Variants in BLOC1S2 observed in about 807,000 individuals in gnomAD.
BLOC1S2 encodes biogenesis of lysosome-related organelles complex 1 subunit 2.
A neutral mutation model predicts 19.6 loss-of-function variants in BLOC1S2; 12 were observed. The observed-to-expected ratio is 0.61, with a 90% CI of 0.39 to 0.99. BLOC1S2 has a LOEUF of 0.99. Ranked by LOEUF, BLOC1S2 falls within the 50% of genes least tolerant of loss-of-function variation. The probability of loss-of-function intolerance (pLI) is 0.00; values close to 1 mark genes in which losing one functional copy is unlikely to be tolerated. For missense variants in BLOC1S2, 142 were observed against 171.0 expected, an observed-to-expected ratio of 0.83 and a Z score of 0.95; for synonymous variants, 66 against 64.1, an observed-to-expected ratio of 1.03 and a Z score of -0.14.
chr10:100,278,288 A>G (rs1434162130), intron 4 of BLOC1S2, among the ~76,000 whole-genome samples: 5 of 147,368 alleles, frequency 3.4e-5, no homozygotes, highest in African/African-American at 7.6e-5. Context: ...CCTACTGGGA[A>G]GTGAGGAGCC....
At chr10:100,278,435 T>C (rs1235940419) in intron 4 of BLOC1S2, among the ~76,000 whole-genome samples, 2 of 152,206 alleles carry the variant, frequency 1.3e-5, no homozygotes, top group Non-Finnish European at 1.5e-5. Context: ...ATGGTTGCCG[T>C]GTCTGTGTAG....
At chr10:100,277,758 G>A (rs1847955513) in intron 4 of BLOC1S2, among the ~76,000 whole-genome samples, 2 of 130,330 alleles carry the variant, frequency 1.5e-5, no homozygotes, top group African/African-American at 2.9e-5. Flanking sequence ...GGTGAGGGGC[G>A]CCTCTGCCTG....
intron 1 of BLOC1S2, 114 bp downstream of exon 1, chr10:100,286,491 C>T: frequency 6.6e-7 from 1 of 1,517,070 alleles, no homozygotes; most frequent in African/African-American, 1.4e-5. Flanking sequence ...GACAAGTGCA[C>T]TCCTCTCACC....
chr10:100,280,347 C>A, intron 3 of BLOC1S2, 119 bp from the exon 4 acceptor site: 1 of 848,348 alleles, frequency 1.2e-6, no homozygotes, highest in Non-Finnish European at 1.7e-6. Flanking sequence ...GATTAGGTGG[C>A]GTGACATGAT....
intron 2 of BLOC1S2, among the ~76,000 whole-genome samples, chr10:100,281,508 C>T (rs1483528603): frequency 1.3e-5 from 2 of 151,848 alleles, no homozygotes; most frequent in Admixed American, 1.3e-4. Flanking sequence ...GATAGTGAAA[C>T]CCCATCTCTA....
rs778333212 is a variant in BLOC1S2, at chr10:100,286,679, C to T, written c.-20G>A. ...CGCCATAGCGGACCCCGCGCTGTTTCCGGGCCGGGGTGCTGCGCATGCGCA... is the reference window on the plus strand; with the variant it reads ...CGCCATAGCGGACCCCGCGCTGTTTTCGGGCCGGGGTGCTGCGCATGCGCA... On this transcript the variant is annotated 5_prime_UTR_variant, in exon 1 of 5. Coordinates refer to ENST00000370372, the MANE Select transcript of BLOC1S2 (RefSeq NM_173809.5). 5 of 1,606,730 alleles carry T rather than the reference C, an allele frequency of 3.1e-6. No individual in the cohort carries two copies. The highest frequency in any genetic ancestry group is 2.7e-5 in the African/African-American group (2 of 74,736).
intron 2 of BLOC1S2, among the ~76,000 whole-genome samples, chr10:100,285,577 C>T (rs1254171599): frequency 2.0e-5 from 3 of 152,198 alleles, no homozygotes; most frequent in African/African-American, 7.2e-5. Context: ...TGATCCTCCT[C>T]CACACATAGG....
intron 4 of BLOC1S2, among the ~76,000 whole-genome samples, chr10:100,277,614 C>T (rs1847944766): frequency 9.3e-6 from 1 of 107,828 alleles, no homozygotes; most frequent in Non-Finnish European, 1.9e-5. Context: ...GGGAGGGGGT[C>T]AGCCCCCCTG....
Position 100,286,674 on chromosome 10 carries a change from T to A in BLOC1S2, c.-15A>T. On this transcript the variant is annotated 5_prime_UTR_variant, in exon 1 of 5. Transcript: ENST00000370372. Reference sequence around the variant, plus strand: ...GCCGCCGCCATAGCGGACCCCGCGCTGTTTCCGGGCCGGGGTGCTGCGCAT... The same window carrying A: ...GCCGCCGCCATAGCGGACCCCGCGCAGTTTCCGGGCCGGGGTGCTGCGCAT... 1.2e-6 allele frequency: 2 copies of A among 1,608,390 alleles called. No individual in the cohort carries two copies. The highest frequency in any genetic ancestry group is 1.1e-5 in the South Asian group (1 of 90,384).
intron 2 of BLOC1S2, among the ~76,000 whole-genome samples, chr10:100,281,636 T>C (rs1848104035): frequency 6.6e-6 from 1 of 150,536 alleles, no homozygotes; most frequent in African/African-American, 2.5e-5. Context: ...TGAGCCGAGA[T>C]TGTGCCACTG....
At chr10:100,277,398 C>T (rs2134352224) in intron 4 of BLOC1S2, among the ~76,000 whole-genome samples, 1 of 150,876 alleles carries the variant, frequency 6.6e-6, no homozygotes, top group African/African-American at 2.4e-5. Context: ...GCCCGGCCGC[C>T]CCTACTGGGA....
At chr10:100,286,560 C>G in intron 1 of BLOC1S2, 45 bp downstream of exon 1, 2 of 1,609,406 alleles carry the variant, frequency 1.2e-6, no homozygotes, top group Non-Finnish European at 1.7e-6. Flanking sequence ...GAGACGGAGC[C>G]CCAGGCCCCC....
intron 4 of BLOC1S2, among the ~76,000 whole-genome samples, chr10:100,277,720 C>T (rs1300710707): frequency 7.2e-6 from 1 of 138,158 alleles, no homozygotes; most frequent in African/African-American, 2.7e-5. Flanking sequence ...GGCTCAGCCC[C>T]CCGCCCGGCC....
chr10:100,280,967 T>C lies in BLOC1S2; in HGVS notation c.259A>G (p.Ile87Val). 1.2e-6 allele frequency: 2 copies of C among 1,613,420 alleles called. No individual in the cohort carries two copies. The highest frequency in any genetic ancestry group is 1.7e-6 in the Non-Finnish European group (2 of 1,179,828). ...YLEMKDIAIN[I>V]SRNLKDLNQK... is the part of the protein sequence containing the mutation. ...TTTAAGTCCTTTAAGTTCCTACTAA[T>C]GTTTATAGCAATATCTTTCATTTCA... The change falls in exon 3 of 5, where the codon ATT (isoleucine) becomes GTT (valine). Residue 87 changes from isoleucine (I) to valine (V), a missense_variant. Ile to Val is a conservative substitution (Grantham distance 29). Transcript: ENST00000370372.
intron 4 of BLOC1S2, among the ~76,000 whole-genome samples, chr10:100,278,175 C>T (rs1847988918): frequency 2.1e-5 from 3 of 146,102 alleles, no homozygotes; most frequent in Admixed American, 6.7e-5. Context: ...GGTCAGCCCC[C>T]TACCCGGCCA....
chr10:100,281,742 ACACT>A (rs200357642), intron 2 of BLOC1S2, among the ~76,000 whole-genome samples: 4,609 of 150,606 alleles, frequency 0.031, 122 homozygotes, highest in South Asian at 0.069. Flanking sequence ...ACACACACAC[ACACT>A]ATCAGCTAGG....
intron 4 of BLOC1S2, among the ~76,000 whole-genome samples, chr10:100,278,874 C>T (rs1046609955): frequency 6.6e-6 from 1 of 151,800 alleles, no homozygotes; most frequent in Non-Finnish European, 1.5e-5. Context: ...TTGCTTAAGG[C>T]CATGAGTTCG....
In BLOC1S2 at chr10:100,280,096, A is replaced by G. The variant is rs1848064777; in HGVS notation, c.397+28T>C. On this transcript the variant is annotated intron_variant, in intron 4 of 4. Coordinates refer to ENST00000370372, the MANE Select transcript of BLOC1S2 (RefSeq NM_173809.5). ...ATGCTGGCAAGAAGCAGTCTTTATT[A>G]CATCAAAACAGAAGTAAAAACGGTT... 5 of 1,552,074 alleles carry G rather than the reference A, an allele frequency of 3.2e-6. No homozygotes were observed. The Admixed American group carries it at 5.1e-5, about 16-fold the overall frequency.
chr10:100,280,771 G>T (rs1257694071), intron 3 of BLOC1S2, among the ~76,000 whole-genome samples, 163 bp downstream of exon 3: 1 of 152,034 alleles, frequency 6.6e-6, no homozygotes, highest in Non-Finnish European at 1.5e-5. Flanking sequence ...AACAAAACAT[G>T]CTAATCCTCA....
Sources: allele counts gnomAD v4.1 joint callset (sites outside exome capture counted in the v4.1 genomes callset), GRCh38; gene constraint gnomAD v4.1.1; transcripts MANE v1.5; gene names NCBI Gene and HGNC (gene_info 2026-07-23, HGNC 2026-07-21).